Variants in KCNIP4 observed in about 807,000 individuals in gnomAD.
The protein encoded by KCNIP4 is potassium voltage-gated channel interacting protein 4.
A neutral mutation model predicts 34.0 loss-of-function variants in KCNIP4; 12 were observed. The ratio of observed to expected loss-of-function variants is 0.35; its 90% CI spans 0.23 to 0.57. KCNIP4 has a LOEUF of 0.57. Among genes scored for constraint, KCNIP4 ranks in the 20% least tolerant of loss-of-function variants. The pLI, the probability that KCNIP4 is intolerant of heterozygous loss-of-function variation, is 0.83. For synonymous variants in KCNIP4, 124 were observed against 102.2 expected (o/e 1.21, Z -1.29); for missense variants, 238 against 311.7 (o/e 0.76, Z 1.78).
intron 1 of KCNIP4, among the ~76,000 whole-genome samples, chr4:21,036,406 T>C (rs1171514389): frequency 3.9e-5 from 6 of 152,226 alleles, no homozygotes. Context: ...TAAAGGCATT[T>C]GGAGATAGAT....
At chr4:21,368,440 C>T (rs1459257075) in intron 1 of KCNIP4, among the ~76,000 whole-genome samples, 2 of 147,340 alleles carry the variant, frequency 1.4e-5, no homozygotes, top group African/African-American at 2.7e-5. Context: ...ATGTATGGAA[C>T]ACATAATATG....
At chr4:21,854,470 T>C (rs1177453634) in intron 1 of KCNIP4, among the ~76,000 whole-genome samples, 2 of 152,178 alleles carry the variant, frequency 1.3e-5, no homozygotes, top group Non-Finnish European at 2.9e-5. Context: ...CAAATCTACA[T>C]TGGTCTTCTC....
intron 1 of KCNIP4, among the ~76,000 whole-genome samples, chr4:20,973,903 G>C (rs1479699874): frequency 6.6e-6 from 1 of 152,090 alleles, no homozygotes; most frequent in Non-Finnish European, 1.5e-5. Context: ...ATCTGAACTC[G>C]ATTATTCCTG....
chr4:21,364,527 T>G (rs1191989963), intron 1 of KCNIP4, among the ~76,000 whole-genome samples: 1 of 152,120 alleles, frequency 6.6e-6, no homozygotes, highest in African/African-American at 2.4e-5. Flanking sequence ...GAACATGTAA[T>G]CCACCGGTTA....
In KCNIP4 at chr4:21,506,355, T is replaced by G. The variant is rs181228470; in HGVS notation, c.61+442216A>C. Among the ~76,000 whole-genome samples, 407 of 152,328 alleles carry G rather than the reference T, an allele frequency of 2.7e-3. 1 individual carries two copies. Among genetic ancestry groups the G allele is most frequent in the Admixed American group, 4.0e-3 (61 of 15,292 alleles). On this transcript the variant is annotated intron_variant, in intron 1 of 8. Transcript: ENST00000382152. ...TATCTGGGCCTCACTCTATTTTGTG[T>G]GAAATGACTAGAATAACAGTACTTG...
intron 1 of KCNIP4, among the ~76,000 whole-genome samples, chr4:21,099,319 G>A (rs192425106): frequency 2.6e-4 from 39 of 152,112 alleles, no homozygotes; most frequent in Admixed American, 8.5e-4. Flanking sequence ...CCCTTTGCAC[G>A]GATGGAGCTG....
intron 3 of KCNIP4, among the ~76,000 whole-genome samples, chr4:20,795,253 G>C (rs1040308693): frequency 6.6e-6 from 1 of 152,062 alleles, no homozygotes; most frequent in Non-Finnish European, 1.5e-5. Context: ...GATCTTCTTA[G>C]GTATGTGATC....
chr4:21,428,898 CCA>C (rs1202739265), intron 1 of KCNIP4, among the ~76,000 whole-genome samples: 1 of 152,016 alleles, frequency 6.6e-6, no homozygotes, highest in Non-Finnish European at 1.5e-5. Context: ...CTCTCTGCCC[CCA>C]CACAAGCACC....
intron 1 of KCNIP4, among the ~76,000 whole-genome samples, chr4:21,364,533 G>A (rs986335054): frequency 1.2e-4 from 19 of 152,012 alleles, no homozygotes; most frequent in Admixed American, 2.6e-4. Context: ...GTAATCCACC[G>A]GTTAAAGATG....
At chr4:21,714,669 C>G (rs1477526992) in intron 1 of KCNIP4, among the ~76,000 whole-genome samples, 1 of 151,882 alleles carries the variant, frequency 6.6e-6, no homozygotes, top group Non-Finnish European at 1.5e-5. Context: ...ACTTCCTTCC[C>G]CATTCAACAC....
chr4:20,882,994 A>C (rs1167378108), intron 1 of KCNIP4, among the ~76,000 whole-genome samples: 1 of 142,272 alleles, frequency 7.0e-6, no homozygotes, highest in African/African-American at 2.6e-5. Context: ...AAAAGCCACC[A>C]AAAAAATCTG....
intron 1 of KCNIP4, among the ~76,000 whole-genome samples, chr4:21,394,848 A>C (rs1171082389): frequency 6.6e-6 from 1 of 152,130 alleles, no homozygotes; most frequent in Non-Finnish European, 1.5e-5. Flanking sequence ...CTTGATTGAC[A>C]CTTCTCCTTT....
chr4:21,494,787 A>AG (rs143473983), intron 1 of KCNIP4, among the ~76,000 whole-genome samples: 30,507 of 150,674 alleles, frequency 0.2, 3,486 homozygotes, highest in Non-Finnish European at 0.27. Context: ...AAAAAAAAAA[A>AG]AAAATTAGTA....
intron 1 of KCNIP4, among the ~76,000 whole-genome samples, chr4:21,171,406 A>G (rs1190060856): frequency 6.6e-6 from 1 of 152,218 alleles, no homozygotes; most frequent in Non-Finnish European, 1.5e-5. Context: ...ACAGAATACT[A>G]AAACTGTGCT....
rs149484083 is a variant in KCNIP4 at position 21,746,163 on chromosome 4, C to T, written c.61+202408G>A. Among the ~76,000 whole-genome samples, 54 of 152,114 alleles carry T rather than the reference C, an allele frequency of 3.5e-4. No homozygotes were observed. The East Asian group carries it at 8.9e-3, about 25-fold the overall frequency. On this transcript the variant is annotated intron_variant, in intron 1 of 8. Transcript: ENST00000382152. ...GGACACCAGTCATATTGGATTAGGGCCCATCCATAGAACCTCATTTTATCT... is the reference window on the plus strand; with the variant it reads ...GGACACCAGTCATATTGGATTAGGGTCCATCCATAGAACCTCATTTTATCT...
chr4:21,948,430 C>T (rs533762125), intron 1 of KCNIP4, 141 bp downstream of exon 1: 1 of 900,184 alleles, frequency 1.1e-6, no homozygotes, highest in East Asian at 2.9e-5. Context: ...ACCTCCCCTT[C>T]CCAGTCCCGC....
At chr4:21,319,711 G>GAA (rs1194925570) in intron 1 of KCNIP4, among the ~76,000 whole-genome samples, 1 of 152,028 alleles carries the variant, frequency 6.6e-6, no homozygotes, top group African/African-American at 2.4e-5. Flanking sequence ...ATGCACACAA[G>GAA]ACACACACAC....
At chr4:20,846,913 A>T (rs1226554786) in intron 3 of KCNIP4, among the ~76,000 whole-genome samples, 1 of 152,232 alleles carries the variant, frequency 6.6e-6, no homozygotes, top group Non-Finnish European at 1.5e-5. Flanking sequence ...AGAATCACCA[A>T]GCATAGTAGC....
chr4:20,979,186 A>T (rs958470680), intron 1 of KCNIP4, among the ~76,000 whole-genome samples: 3 of 152,104 alleles, frequency 2.0e-5, no homozygotes, highest in South Asian at 2.1e-4. Flanking sequence ...AATAAAGCCA[A>T]ACAAAGTTGC....
Sources: allele counts gnomAD v4.1 joint callset (sites outside exome capture counted in the v4.1 genomes callset), GRCh38; gene constraint gnomAD v4.1.1; transcripts MANE v1.5; gene names NCBI Gene and HGNC (gene_info 2026-07-23, HGNC 2026-07-21).